The following PRELID2 variants were observed in gnomAD, a reference collection of about 807,000 sequenced individuals.
The protein encoded by PRELID2 is PRELI domain-containing protein 2.
Under a neutral mutation model 28.4 loss-of-function variants are expected in PRELID2, and 25 were observed. That is an observed-to-expected ratio of 0.88 (90% CI 0.64 to 1.23). The LOEUF (loss-of-function observed/expected upper bound fraction) is 1.23, where lower values mean the gene tolerates loss of function less well. PRELID2 is among the 50% of genes most tolerant of loss of function. The probability of loss-of-function intolerance (pLI) is 0.00; values close to 1 mark genes in which losing one functional copy is unlikely to be tolerated. For missense variants in PRELID2, 201 were observed against 214.4 expected (o/e 0.94, Z 0.39); for synonymous variants, 76 against 71.6 (o/e 1.06, Z -0.31).
chr5:145,675,880 A>G (rs1375392293), intron 1 of PRELID2, among the ~76,000 whole-genome samples: 2 of 152,264 alleles, frequency 1.3e-5, no homozygotes, highest in South Asian at 4.1e-4. Context: ...TAACAACTGC[A>G]ATAGATTGAA....
chr5:145,674,564 A>G (rs985569829), intron 1 of PRELID2, among the ~76,000 whole-genome samples: 14 of 152,234 alleles, frequency 9.2e-5, no homozygotes, highest in African/African-American at 3.4e-4. Context: ...GTATTGAGAT[A>G]CCTGGTAAGT....
At chr5:145,562,708 A>G (rs1436155369) in intron 1 of PRELID2, among the ~76,000 whole-genome samples, 3 of 152,252 alleles carry the variant, frequency 2.0e-5, no homozygotes, top group Non-Finnish European at 2.9e-5. Context: ...TCAAAAGTAC[A>G]CACAAGTTTT....
At chr5:145,751,023 G>A (rs1022353763) in intron 1 of PRELID2, among the ~76,000 whole-genome samples, 8 of 152,092 alleles carry the variant, frequency 5.3e-5, no homozygotes, top group African/African-American at 1.7e-4. Context: ...AGGAAAAACT[G>A]GTATGTTACA....
chr5:145,369,335 C>T, the PRELID2 span, among the ~76,000 whole-genome samples: 1 of 152,038 alleles, frequency 6.6e-6, no homozygotes, highest in African/African-American at 2.4e-5. Flanking sequence ...CATGTGTTCT[C>T]ATTGCTCAAA....
intron 1 of PRELID2, among the ~76,000 whole-genome samples, chr5:145,481,650 A>AAAAAAAAAAAAAAAAAAG (rs1752162758): frequency 2.5e-5 from 3 of 117,850 alleles, no homozygotes; most frequent in African/African-American, 9.8e-5. Flanking sequence ...AAAAAAAAAA[A>AAAAAAAAAAAAAAAAAAG]AAAGAAAGAA....
chr5:145,827,664 C>T (rs150789139), intron 1 of PRELID2, among the ~76,000 whole-genome samples: 1 of 152,316 alleles, frequency 6.6e-6, no homozygotes, highest in East Asian at 1.9e-4. Context: ...CATTGTAACA[C>T]AGAGGAAAAT....
chr5:145,240,756 T>C, the PRELID2 span, among the ~76,000 whole-genome samples: 121 of 152,208 alleles, frequency 7.9e-4, no homozygotes, highest in African/African-American at 2.8e-3. Flanking sequence ...AACTGCTTTA[T>C]ACCACCACTG....
At chr5:145,239,898 T>A in the PRELID2 span, among the ~76,000 whole-genome samples, 1 of 152,034 alleles carries the variant, frequency 6.6e-6, no homozygotes, top group Non-Finnish European at 1.5e-5. Flanking sequence ...TAATGACAAC[T>A]AAATGTGATT....
the PRELID2 span, among the ~76,000 whole-genome samples, chr5:145,232,731 G>C: frequency 7.2e-5 from 11 of 152,134 alleles, no homozygotes; most frequent in Admixed American, 1.3e-4. Flanking sequence ...ATGTGACTCA[G>C]AAGTCTCAGA....
the PRELID2 span, among the ~76,000 whole-genome samples, chr5:145,324,099 C>T: frequency 6.6e-6 from 1 of 152,142 alleles, no homozygotes; most frequent in African/African-American, 2.4e-5. Context: ...TATGCATTCC[C>T]TTTTCTCCAC....
At chr5:145,526,400 CG>C (rs1752605496) in intron 1 of PRELID2, among the ~76,000 whole-genome samples, 2 of 152,142 alleles carry the variant, frequency 1.3e-5, no homozygotes, top group East Asian at 3.9e-4. Context: ...GAGGTGTCAT[CG>C]GGGTCTGGAA....
the PRELID2 span, among the ~76,000 whole-genome samples, chr5:145,447,050 A>AAAATATAT: frequency 7.1e-6 from 1 of 140,194 alleles, no homozygotes; most frequent in Non-Finnish European, 1.5e-5. Flanking sequence ...ACTCCATCTC[A>AAAATATAT]AAATAAATAA....
At chr5:145,296,840 C>T in the PRELID2 span, among the ~76,000 whole-genome samples, 1 of 152,168 alleles carries the variant, frequency 6.6e-6, no homozygotes, top group African/African-American at 2.4e-5. Flanking sequence ...TCTCCACATC[C>T]TCTCCAGCAC....
chr5:145,441,828 C>T, the PRELID2 span, among the ~76,000 whole-genome samples: 2 of 152,098 alleles, frequency 1.3e-5, no homozygotes, highest in East Asian at 3.9e-4. Context: ...TCTGCTGACT[C>T]TAAGAATCAC....
chr5:145,627,613 A>C (rs948577168), intron 1 of PRELID2, among the ~76,000 whole-genome samples: 1 of 152,142 alleles, frequency 6.6e-6, no homozygotes, highest in African/African-American at 2.4e-5. Flanking sequence ...TCATTACCTG[A>C]TCTCCCTACA....
the PRELID2 span, among the ~76,000 whole-genome samples, chr5:145,328,545 C>T: frequency 6.6e-6 from 1 of 151,914 alleles, no homozygotes. Flanking sequence ...TGATGATGAG[C>T]TTTTTTTTCA....
At chr5:145,737,095 G>C (rs1329151400) in intron 1 of PRELID2, among the ~76,000 whole-genome samples, 1 of 152,054 alleles carries the variant, frequency 6.6e-6, no homozygotes, top group East Asian at 1.9e-4. Context: ...AGGAGAGAAA[G>C]AGAGACCGAG....
At chr5:145,734,551 G>A (rs1756440092) in intron 1 of PRELID2, among the ~76,000 whole-genome samples, 1 of 152,154 alleles carries the variant, frequency 6.6e-6, no homozygotes, top group South Asian at 2.1e-4. Context: ...TAAGTGAGGT[G>A]TACTAGCAGT....
At chr5:145,640,269 G>A (rs1440292600) in intron 1 of PRELID2, among the ~76,000 whole-genome samples, 1 of 151,894 alleles carries the variant, frequency 6.6e-6, no homozygotes, top group African/African-American at 2.4e-5. Context: ...GGCGGATCAC[G>A]AGGTCAGGAG....
Sources: gnomAD v4.1 joint callset for allele counts (sites outside exome capture counted in the v4.1 genomes callset) on GRCh38, gnomAD v4.1.1 for gene constraint, MANE v1.5 for transcripts, NCBI Gene and HGNC (gene_info 2026-07-23, HGNC 2026-07-21) for gene names.